Variants in ZEB1 observed in about 807,000 individuals in gnomAD.
The protein encoded by ZEB1 is zinc finger E-box-binding homeobox 1.
A neutral mutation model predicts 84.9 loss-of-function variants in ZEB1; 21 were observed. The ratio of observed to expected loss-of-function variants is 0.25; its 90% confidence interval spans 0.18 to 0.36. ZEB1 has a LOEUF of 0.36. Ranked by LOEUF, ZEB1 falls within the 10% of genes least tolerant of loss-of-function variation. The pLI is 1.00. For synonymous variants in ZEB1, 420 were observed against 471.1 expected (o/e 0.89, Z 1.41); for missense variants, 1,104 against 1,330.2 (o/e 0.83, Z 2.65).
chr10:31,476,027 C>T (rs1159328528), intron 2 of ZEB1, among the ~76,000 whole-genome samples: 7 of 151,982 alleles, frequency 4.6e-5, no homozygotes, highest in African/African-American at 1.2e-4. Flanking sequence ...TAACCATCTG[C>T]TGCCTACCAG....
chr10:31,340,874 T>C (rs1300625168), intron 1 of ZEB1, among the ~76,000 whole-genome samples: 1 of 150,694 alleles, frequency 6.6e-6, no homozygotes, highest in Admixed American at 6.6e-5. Context: ...CCCAGGGGAA[T>C]AGGAAGAGAG....
chr10:31,371,513 TA>T (rs1255517248), intron 1 of ZEB1, among the ~76,000 whole-genome samples: 1 of 152,152 alleles, frequency 6.6e-6, no homozygotes, highest in African/African-American at 2.4e-5. Context: ...TTTTCTGCTT[TA>T]AAAAATGCTT....
chr10:31,405,180 A>G (rs2135571777), intron 1 of ZEB1, among the ~76,000 whole-genome samples: 1 of 152,324 alleles, frequency 6.6e-6, no homozygotes, highest in South Asian at 2.1e-4. Flanking sequence ...GGACATTTAA[A>G]AAAATGTGGA....
chr10:31,318,860 C>T, upstream of ZEB1: 1 of 350,520 alleles, frequency 2.9e-6, no homozygotes, highest in Non-Finnish European at 5.6e-6. Flanking sequence ...GTGTGGCCAG[C>T]GCGGAGGCAG....
chr10:31,426,578 A>T (rs763809280), intron 1 of ZEB1, among the ~76,000 whole-genome samples: 1 of 152,196 alleles, frequency 6.6e-6, no homozygotes, highest in South Asian at 2.1e-4. Context: ...AGGTTTTCCA[A>T]CTGGGGACAT....
intron 1 of ZEB1, among the ~76,000 whole-genome samples, chr10:31,441,863 A>G (rs1162415191): frequency 2.0e-5 from 3 of 152,242 alleles, no homozygotes; most frequent in Non-Finnish European, 2.9e-5. Flanking sequence ...ATGAGATACC[A>G]TTTCACACCA....
intron 1 of ZEB1, among the ~76,000 whole-genome samples, chr10:31,373,350 T>C (rs2046045388): frequency 6.6e-6 from 1 of 151,938 alleles, no homozygotes; most frequent in Non-Finnish European, 1.5e-5. Flanking sequence ...AATGGTTTTA[T>C]AGATAAGAGA....
At chr10:31,367,420 G>A (rs1431299757) in intron 1 of ZEB1, among the ~76,000 whole-genome samples, 5 of 152,130 alleles carry the variant, frequency 3.3e-5, no homozygotes, top group Non-Finnish European at 5.9e-5. Context: ...AGTGATAATG[G>A]TAGTGATGAT....
intron 1 of ZEB1, among the ~76,000 whole-genome samples, chr10:31,339,637 G>A (rs766567345): frequency 6.6e-6 from 1 of 151,950 alleles, no homozygotes; most frequent in South Asian, 2.1e-4. Context: ...AGGTGTGGTG[G>A]TGCACACCTG....
intron 2 of ZEB1, among the ~76,000 whole-genome samples, chr10:31,485,348 A>C (rs935695337): frequency 6.6e-6 from 1 of 151,846 alleles, no homozygotes; most frequent in African/African-American, 2.4e-5. Flanking sequence ...GAAACTAAGG[A>C]CTAACTGAGT....
intron 1 of ZEB1, among the ~76,000 whole-genome samples, chr10:31,358,974 T>G (rs1279065565): frequency 6.6e-6 from 1 of 152,244 alleles, no homozygotes; most frequent in East Asian, 1.9e-4. Context: ...TATTTACTTA[T>G]ATTAGCACAG....
intron 1 of ZEB1, among the ~76,000 whole-genome samples, chr10:31,327,256 A>C (rs1308651559): frequency 2.0e-5 from 3 of 151,604 alleles, no homozygotes; most frequent in Non-Finnish European, 4.4e-5. Context: ...GATTACAGGC[A>C]CACACCGCCA....
At chr10:31,340,847 G>T (rs186761849) in intron 1 of ZEB1, among the ~76,000 whole-genome samples, 2 of 152,188 alleles carry the variant, frequency 1.3e-5, no homozygotes, top group Admixed American at 6.5e-5. Context: ...GAGTGCATGA[G>T]CATTGAAATG....
intron 6 of ZEB1, among the ~76,000 whole-genome samples, chr10:31,518,340 C>T (rs1033391939): frequency 3.9e-5 from 6 of 152,056 alleles, no homozygotes; most frequent in African/African-American, 1.4e-4. Context: ...TATATTTAAC[C>T]TATATAAGAG....
chr10:31,492,710 T>C (rs956884317), intron 2 of ZEB1, among the ~76,000 whole-genome samples: 1 of 151,832 alleles, frequency 6.6e-6, no homozygotes, highest in African/African-American at 2.4e-5. Flanking sequence ...AAAATACAAG[T>C]TTTTGAATTT....
chr10:31,498,467 G>T (rs1336928843), intron 3 of ZEB1, among the ~76,000 whole-genome samples: 1 of 151,950 alleles, frequency 6.6e-6, no homozygotes, highest in Non-Finnish European at 1.5e-5. Context: ...CTTCTTTAAG[G>T]TGTAAATAGC....
intron 2 of ZEB1, among the ~76,000 whole-genome samples, chr10:31,469,361 T>C (rs2062864924): frequency 6.6e-6 from 1 of 152,114 alleles, no homozygotes; most frequent in African/African-American, 2.4e-5. Context: ...GCGCGCACCA[T>C]GCGTGAGCCG....
At position 31,453,994 on chromosome 10, in the gene ZEB1, G is replaced by A. The variant is rs369767186; in HGVS notation, c.59-7043G>A. ...CAGGCCAGTATCCCTGATGAACATCGATGTGAAAATCCTCAATAAAATACT... is the reference window on the plus strand; with the variant it reads ...CAGGCCAGTATCCCTGATGAACATCAATGTGAAAATCCTCAATAAAATACT... On this transcript the variant is annotated intron_variant, in intron 1 of 8. Coordinates refer to ENST00000424869, the MANE Select transcript of ZEB1 (RefSeq NM_001174096.2). 9.9e-5 allele frequency among the ~76,000 whole-genome samples: 15 copies of A among 152,188 alleles called. No individual in the cohort carries two copies. The East Asian group carries it at 1.9e-3, about 20-fold the overall frequency.
At position 31,399,871 on chromosome 10, in the gene ZEB1, G is replaced by T. The variant is rs556533856; in HGVS notation, c.59-61166G>T. 2.6e-5 allele frequency among the ~76,000 whole-genome samples: 4 copies of T among 152,196 alleles called. No homozygotes were observed. In the East Asian group the frequency reaches 7.7e-4, roughly 29 times the overall value. On this transcript the variant is annotated intron_variant, in intron 1 of 8. Coordinates refer to ENST00000424869, the MANE Select transcript of ZEB1 (RefSeq NM_001174096.2). ...CACTTTGCTCTAGTCATCCACACTG[G>T]CTTCTTTGCTGTTCTTAGAACATGC...
Sources: gnomAD v4.1 joint callset for allele counts (sites outside exome capture counted in the v4.1 genomes callset) on GRCh38, gnomAD v4.1.1 for gene constraint, MANE v1.5 for transcripts, NCBI Gene and HGNC (gene_info 2026-07-23, HGNC 2026-07-21) for gene names.